The following SHROOM3 variants were observed in gnomAD, a reference collection of about 807,000 sequenced individuals.
SHROOM3 encodes the protein shroom family member 3, also known as protein Shroom3.
Under a neutral mutation model 138.6 loss-of-function variants are expected in SHROOM3, and 47 were observed. The observed-to-expected ratio is 0.34, with a 90% confidence interval of 0.27 to 0.43. The LOEUF is 0.43. Among genes scored for constraint, SHROOM3 ranks in the 20% least tolerant of loss-of-function variants. The probability of loss-of-function intolerance (pLI) is 1.00; values close to 1 mark genes in which losing one functional copy is unlikely to be tolerated. For synonymous variants in SHROOM3, 1,062 were observed against 1,063.3 expected, an observed-to-expected ratio of 1.00 and a Z score of 0.02; for missense variants, 2,491 against 2,596.5, an observed-to-expected ratio of 0.96 and a Z score of 0.88.
chr4:76,656,441 A>G (rs574009417), intron 2 of SHROOM3, among the ~76,000 whole-genome samples: 8 of 152,326 alleles, frequency 5.3e-5, no homozygotes, highest in African/African-American at 1.7e-4. Flanking sequence ...ATATTCCTCC[A>G]GGTTAAATGC....
At chr4:76,626,143 C>T (rs548133066) in intron 2 of SHROOM3, among the ~76,000 whole-genome samples, 1 of 152,270 alleles carries the variant, frequency 6.6e-6, no homozygotes, top group South Asian at 2.1e-4. Flanking sequence ...AGAGGAAGCA[C>T]GTACGTAGGG....
chr4:76,458,680 T>C (rs889451482), intron 1 of SHROOM3, among the ~76,000 whole-genome samples: 1 of 152,244 alleles, frequency 6.6e-6, no homozygotes, highest in East Asian at 1.9e-4. Flanking sequence ...TTTATTGAGA[T>C]ATAAATCAAA....
intron 2 of SHROOM3, among the ~76,000 whole-genome samples, chr4:76,652,904 A>G (rs1045086183): frequency 6.6e-6 from 1 of 152,150 alleles, no homozygotes; most frequent in African/African-American, 2.4e-5. Context: ...CTCACGATCC[A>G]GGCATTCTAC....
intron 7 of SHROOM3, among the ~76,000 whole-genome samples, chr4:76,755,705 C>T (rs542565626): frequency 2.0e-5 from 3 of 152,092 alleles, no homozygotes; most frequent in African/African-American, 7.2e-5. Context: ...GAGGCAGCCT[C>T]AGTCTCAAAA....
At position 76,503,488 on chromosome 4, in the gene SHROOM3, G is replaced by A. The variant is rs1732143536; in HGVS notation, c.169-52121G>A. Among the ~76,000 whole-genome samples, 4 of 152,198 alleles carry A rather than the reference G, an allele frequency of 2.6e-5. No homozygotes were observed. In the South Asian group the frequency reaches 8.3e-4, roughly 32 times the overall value. On this transcript the variant is annotated intron_variant, in intron 1 of 10. Transcript: ENST00000296043. The stretch of plus-strand genomic sequence containing the variant: ...TTGTCACCCAGGCTGGAGTACAGTG[G>A]CATGATCTCAGCTCACTGTAACCTC...
chr4:76,660,610 G>A (rs1453048788), intron 2 of SHROOM3, among the ~76,000 whole-genome samples: 1 of 152,022 alleles, frequency 6.6e-6, no homozygotes, highest in Non-Finnish European at 1.5e-5. Context: ...TGAGTAGCTG[G>A]GATTACAGGC....
intron 2 of SHROOM3, among the ~76,000 whole-genome samples, chr4:76,614,793 A>T (rs950578673): frequency 1.3e-5 from 2 of 152,224 alleles, no homozygotes; most frequent in East Asian, 3.8e-4. Context: ...ATGTGGAATA[A>T]CATGGTATAG....
At chr4:76,570,165 A>G (rs1733806992) in intron 2 of SHROOM3, among the ~76,000 whole-genome samples, 1 of 151,688 alleles carries the variant, frequency 6.6e-6, no homozygotes, top group Non-Finnish European at 1.5e-5. Flanking sequence ...AAACACACAC[A>G]CACACACACA....
chr4:76,622,996 A>G (rs1236672427), intron 2 of SHROOM3, among the ~76,000 whole-genome samples: 1 of 152,096 alleles, frequency 6.6e-6, no homozygotes, highest in Non-Finnish European at 1.5e-5. Flanking sequence ...TTAGGATGAA[A>G]CTTTAGGAAT....
intron 2 of SHROOM3, among the ~76,000 whole-genome samples, chr4:76,681,893 C>T (rs182047972): frequency 2.6e-5 from 4 of 152,150 alleles, no homozygotes; most frequent in South Asian, 2.1e-4. Flanking sequence ...ATGCTGGGCT[C>T]GCAGGGACTC....
intron 2 of SHROOM3, among the ~76,000 whole-genome samples, chr4:76,573,363 C>A (rs190847338): frequency 6.8e-6 from 1 of 146,372 alleles, no homozygotes; most frequent in African/African-American, 2.5e-5. Flanking sequence ...TCCTTACAAA[C>A]CCACTTCTGC....
In SHROOM3 at chr4:76,754,882, T is replaced by C; in HGVS notation, c.4399T>C (p.Cys1467Arg). The C allele has an allele frequency of 6.2e-7, 1 of 1,614,208 alleles. No homozygotes were observed. Among genetic ancestry groups the C allele is most frequent in the Non-Finnish European group, 8.5e-7 (1 of 1,180,030 alleles). ...YQKQQSLPSL[C>R]STSDPDTPLG... ...AAAACAGCAGAGTCTTCCAAGTTTA[T>C]GCAGCACTTCTGACCCAGACACACC... The change falls in exon 7 of 11, where the codon TGC (cysteine) becomes CGC (arginine). Residue 1467 changes from cysteine to arginine, a missense_variant. Transcript: ENST00000296043.
In SHROOM3 at chr4:76,551,815, A is replaced by G. The variant is rs184083438; in HGVS notation, c.169-3794A>G. ...ATTAGATGTCACTTTACATTTATATATTATTTTGTCCACTTGATTATCTGA... is the reference window on the plus strand; with the variant it reads ...ATTAGATGTCACTTTACATTTATATGTTATTTTGTCCACTTGATTATCTGA... On this transcript the variant is annotated intron_variant, in intron 1 of 10. Coordinates refer to ENST00000296043, the MANE Select transcript of SHROOM3 (RefSeq NM_020859.4). Among the ~76,000 whole-genome samples the G allele has an allele frequency of 3.2e-4, 48 of 152,186 alleles. No individual in the cohort carries two copies. In the East Asian group the frequency reaches 5.8e-3, roughly 18 times the overall value.
chr4:76,520,324 C>T (rs1732536834), intron 1 of SHROOM3, among the ~76,000 whole-genome samples: 1 of 152,150 alleles, frequency 6.6e-6, no homozygotes, highest in African/African-American at 2.4e-5. Context: ...TCTTCCCTTG[C>T]TTTATTTTCA....
At chr4:76,569,301 A>G (rs1454953422) in intron 2 of SHROOM3, among the ~76,000 whole-genome samples, 3 of 152,334 alleles carry the variant, frequency 2.0e-5, no homozygotes, top group South Asian at 2.1e-4. Context: ...CGATGGATAT[A>G]AAACTTTAGT....
At chr4:76,533,264 C>T (rs1233520671) in intron 1 of SHROOM3, among the ~76,000 whole-genome samples, 2 of 152,164 alleles carry the variant, frequency 1.3e-5, no homozygotes, top group African/African-American at 2.4e-5. Context: ...TTTTGTTTTA[C>T]CTCTGGGTGC....
At chr4:76,639,141 T>C (rs12501918) in intron 2 of SHROOM3, among the ~76,000 whole-genome samples, 68,731 of 151,862 alleles carry the variant, frequency 0.45, 15,882 homozygotes, top group Middle Eastern at 0.6. Context: ...TGTCCCTCAG[T>C]AGACTAGCTC....
In SHROOM3 at chr4:76,474,520, A is replaced by C. The variant is rs181773020; in HGVS notation, c.168+38300A>C. 1.2e-4 allele frequency among the ~76,000 whole-genome samples: 18 copies of C among 152,358 alleles called. No homozygotes were observed. The East Asian group carries it at 3.5e-3, about 29-fold the overall frequency. Reference sequence around the variant, plus strand: ...TAATGGTTATATTTGACTAAATTATAGATTGTACAAAGAGAGTAATGGGAA... The same window carrying C: ...TAATGGTTATATTTGACTAAATTATCGATTGTACAAAGAGAGTAATGGGAA... On this transcript the variant is annotated intron_variant, in intron 1 of 10. Coordinates refer to ENST00000296043, the MANE Select transcript of SHROOM3 (RefSeq NM_020859.4).
intron 2 of SHROOM3, among the ~76,000 whole-genome samples, chr4:76,701,165 C>A (rs2110112778): frequency 6.6e-6 from 1 of 152,286 alleles, no homozygotes; most frequent in Non-Finnish European, 1.5e-5. Context: ...GGCAGGAATG[C>A]TGTCTGGGTG....
Sources: gnomAD v4.1 joint callset for allele counts (sites outside exome capture counted in the v4.1 genomes callset) on GRCh38, gnomAD v4.1.1 for gene constraint, MANE v1.5 for transcripts, NCBI Gene and HGNC (gene_info 2026-07-23, HGNC 2026-07-21) for gene names.